ATP8A2: variants seen among roughly 807,000 people sequenced by gnomAD.
The protein encoded by ATP8A2 is phospholipid-transporting ATPase IB.
A neutral mutation model predicts 165.6 loss-of-function variants in ATP8A2; 100 were observed. The observed-to-expected ratio is 0.60, with a 90% CI of 0.51 to 0.71. The LOEUF (loss-of-function observed/expected upper bound fraction) is 0.71. Among genes scored for constraint, ATP8A2 ranks in the 30% least tolerant of loss-of-function variants. ATP8A2 has a pLI of 0.00. For synonymous variants in ATP8A2, 543 were observed against 548.8 expected, an observed-to-expected ratio of 0.99 and a Z score of 0.15; for missense variants, 1,227 against 1,479.5, an observed-to-expected ratio of 0.83 and a Z score of 2.80.
In ATP8A2 at chr13:25,643,150, C is replaced by T. The variant is rs543014605; in HGVS notation, c.2211+53451C>T. Reference sequence around the variant, plus strand: ...ATGGGCGCAGCACACCAACATGGGACATGTATACATATGTAACAAACCTGC... The same window carrying T: ...ATGGGCGCAGCACACCAACATGGGATATGTATACATATGTAACAAACCTGC... On this transcript the variant is annotated intron_variant, in intron 24 of 36. Coordinates refer to ENST00000381655, the MANE Select transcript of ATP8A2 (RefSeq NM_016529.6). Among the ~76,000 whole-genome samples the T allele has an allele frequency of 3.3e-5, 5 of 152,278 alleles. No individual in the cohort carries two copies. The South Asian group carries it at 8.3e-4, about 25-fold the overall frequency.
intron 35 of ATP8A2, among the ~76,000 whole-genome samples, chr13:25,995,909 C>T (rs1047958632): frequency 6.6e-6 from 1 of 152,090 alleles, no homozygotes; most frequent in African/African-American, 2.4e-5. Context: ...TAGTCTATTT[C>T]TTATTTCAGT....
chr13:25,391,561 G>A (rs79552210), intron 1 of ATP8A2, among the ~76,000 whole-genome samples: 1 of 152,342 alleles, frequency 6.6e-6, no homozygotes, highest in African/African-American at 2.4e-5. Context: ...ACTGTATACT[G>A]CTTTACATCA....
intron 18 of ATP8A2, among the ~76,000 whole-genome samples, chr13:25,573,938 G>T (rs2039542525): frequency 6.6e-6 from 1 of 152,170 alleles, no homozygotes; most frequent in Non-Finnish European, 1.5e-5. Context: ...TAATTTGAAT[G>T]TGTTACTTCA....
At chr13:25,528,832 A>ATAC (rs1295750074) in intron 2 of ATP8A2, among the ~76,000 whole-genome samples, 9 of 78,466 alleles carry the variant, frequency 1.1e-4, no homozygotes, top group South Asian at 7.8e-4. Context: ...ACACATATGC[A>ATAC]ACATGTGTAT....
chr13:25,874,772 T>A (rs1018568982), intron 33 of ATP8A2, among the ~76,000 whole-genome samples: 2 of 152,172 alleles, frequency 1.3e-5, no homozygotes, highest in Non-Finnish European at 2.9e-5. Flanking sequence ...ACACTCATAT[T>A]TATAACAGCG....
intron 1 of ATP8A2, among the ~76,000 whole-genome samples, chr13:25,460,238 G>T (rs2035470470): frequency 6.6e-6 from 1 of 152,140 alleles, no homozygotes; most frequent in Non-Finnish European, 1.5e-5. Context: ...AACAAAATAT[G>T]CTCAGGACAG....
At chr13:25,840,404 A>G (rs749713179) in intron 30 of ATP8A2, among the ~76,000 whole-genome samples, 20 of 152,208 alleles carry the variant, frequency 1.3e-4, no homozygotes, top group Non-Finnish European at 2.9e-4. Flanking sequence ...TTTCTGTGTC[A>G]GTGAGTTTTA....
chr13:25,937,255 T>C (rs1432678990), intron 33 of ATP8A2, among the ~76,000 whole-genome samples: 1 of 151,874 alleles, frequency 6.6e-6, no homozygotes, highest in Non-Finnish European at 1.5e-5. Context: ...AATGTACCCT[T>C]GTAGTAAATA....
chr13:25,658,905 G>A (rs1381427141), intron 24 of ATP8A2, among the ~76,000 whole-genome samples: 2 of 152,164 alleles, frequency 1.3e-5, no homozygotes, highest in Non-Finnish European at 2.9e-5. Context: ...TGGTACTACT[G>A]TAGTCTGCTC....
chr13:25,952,598 C>A (rs1251210869), intron 33 of ATP8A2, among the ~76,000 whole-genome samples: 1 of 152,122 alleles, frequency 6.6e-6, no homozygotes, highest in Non-Finnish European at 1.5e-5. Context: ...ATCTCAAACT[C>A]CTGACCTCAA....
At chr13:25,513,741 G>A (rs961544337) in intron 2 of ATP8A2, among the ~76,000 whole-genome samples, 11 of 152,326 alleles carry the variant, frequency 7.2e-5, no homozygotes, top group Admixed American at 1.3e-4. Flanking sequence ...GATCACTCGC[G>A]GTTAGGAGCT....
intron 18 of ATP8A2, among the ~76,000 whole-genome samples, chr13:25,573,987 G>C (rs2138195869): frequency 6.6e-6 from 1 of 152,232 alleles, no homozygotes; most frequent in African/African-American, 2.4e-5. Context: ...GAGTGCTTTT[G>C]CCATGCATAA....
intron 24 of ATP8A2, among the ~76,000 whole-genome samples, chr13:25,657,951 G>A (rs529200900): frequency 1.3e-5 from 2 of 152,146 alleles, no homozygotes; most frequent in African/African-American, 4.8e-5. Context: ...TGGAGGTAAC[G>A]TTACTTTTGG....
At chr13:25,888,085 C>G (rs1358641056) in intron 33 of ATP8A2, among the ~76,000 whole-genome samples, 2 of 140,780 alleles carry the variant, frequency 1.4e-5, no homozygotes, top group African/African-American at 5.1e-5. Context: ...CCCCGCCCCA[C>G]CCCCAGAGAA....
chr13:25,387,156 G>C (rs1327865667), intron 1 of ATP8A2, among the ~76,000 whole-genome samples: 2 of 152,090 alleles, frequency 1.3e-5, no homozygotes, highest in Non-Finnish European at 2.9e-5. Context: ...AAACATTGCC[G>C]AGGTGATTCT....
At chr13:25,390,890 A>G (rs2033221111) in intron 1 of ATP8A2, among the ~76,000 whole-genome samples, 1 of 150,840 alleles carries the variant, frequency 6.6e-6, no homozygotes, top group East Asian at 2.0e-4. Flanking sequence ...ATGCCACTGC[A>G]CTCCAGCCTG....
intron 25 of ATP8A2, among the ~76,000 whole-genome samples, chr13:25,730,483 A>T (rs2043596508): frequency 6.6e-6 from 1 of 152,188 alleles, no homozygotes; most frequent in South Asian, 2.1e-4. Context: ...TGTAATAAAT[A>T]TGTGAACTAG....
At chr13:25,832,505 G>A (rs765525223) in intron 28 of ATP8A2, among the ~76,000 whole-genome samples, 38 of 152,120 alleles carry the variant, frequency 2.5e-4, no homozygotes, top group Admixed American at 6.5e-4. Flanking sequence ...AAAAGAAAAA[G>A]TATGTGACAA....
intron 2 of ATP8A2, among the ~76,000 whole-genome samples, chr13:25,481,028 C>T (rs1347966152): frequency 5.9e-5 from 9 of 152,110 alleles, no homozygotes; most frequent in East Asian, 3.9e-4. Flanking sequence ...TGGCAGCGCG[C>T]GCCTGCAATC....
Sources: allele counts gnomAD v4.1 joint callset (sites outside exome capture counted in the v4.1 genomes callset), GRCh38; gene constraint gnomAD v4.1.1; transcripts MANE v1.5; gene names NCBI Gene and HGNC (gene_info 2026-07-23, HGNC 2026-07-21).